The following IGF2BP3 variants were observed in gnomAD, a reference collection of about 807,000 sequenced individuals.
The protein encoded by IGF2BP3 is insulin like growth factor 2 mRNA binding protein 3.
In IGF2BP3, 9 loss-of-function variants were observed where a neutral mutation model predicts 73.8. The ratio of observed to expected loss-of-function variants is 0.12; its 90% CI spans 0.07 to 0.21. The LOEUF is 0.21. IGF2BP3 is among the 10% of genes least tolerant of loss of function. The pLI is 1.00. For synonymous variants in IGF2BP3, 258 were observed against 256.7 expected (o/e 1.01, Z -0.05); for missense variants, 542 against 714.0 (o/e 0.76, Z 2.75).
intron 2 of IGF2BP3, among the ~76,000 whole-genome samples, chr7:23,440,450 T>C (rs1260289548): frequency 6.6e-6 from 1 of 152,176 alleles, no homozygotes; most frequent in Non-Finnish European, 1.5e-5. Flanking sequence ...CAAAGCTTTA[T>C]AATTTGAAAA....
At chr7:23,408,114 A>G (rs1353098572) in intron 3 of IGF2BP3, among the ~76,000 whole-genome samples, 1 of 152,218 alleles carries the variant, frequency 6.6e-6, no homozygotes, top group Non-Finnish European at 1.5e-5. Context: ...TCAACCTGAT[A>G]AAGAGTATCT....
intron 2 of IGF2BP3, among the ~76,000 whole-genome samples, chr7:23,434,983 T>G (rs913162209): frequency 4.6e-5 from 7 of 152,086 alleles, no homozygotes; most frequent in African/African-American, 9.7e-5. Context: ...TATGACATAT[T>G]TGCCAATTAA....
At chr7:23,451,218 G>A (rs1401155790) in intron 2 of IGF2BP3, among the ~76,000 whole-genome samples, 1 of 152,200 alleles carries the variant, frequency 6.6e-6, no homozygotes, top group Non-Finnish European at 1.5e-5. Context: ...AGGGGTTTGA[G>A]AACAGCCTGG....
chr7:23,378,543 C>T (rs1280306677), intron 3 of IGF2BP3, among the ~76,000 whole-genome samples: 1 of 147,530 alleles, frequency 6.8e-6, no homozygotes, highest in Admixed American at 6.8e-5. Context: ...TGGGCGTGCA[C>T]CACCATGCCA....
chr7:23,367,719 G>A (rs1281763309), intron 3 of IGF2BP3, among the ~76,000 whole-genome samples: 1 of 152,064 alleles, frequency 6.6e-6, no homozygotes, highest in Non-Finnish European at 1.5e-5. Context: ...GTTCATCCAC[G>A]GCTGGGCGCG....
intron 3 of IGF2BP3, among the ~76,000 whole-genome samples, chr7:23,399,585 C>G (rs1413108475): frequency 1.3e-5 from 2 of 152,060 alleles, no homozygotes; most frequent in South Asian, 2.1e-4. Context: ...GCTTCTAGAA[C>G]AAAAATTAAT....
chr7:23,324,023 G>C (rs1418404932), intron 10 of IGF2BP3, among the ~76,000 whole-genome samples: 1 of 152,012 alleles, frequency 6.6e-6, no homozygotes, highest in East Asian at 1.9e-4. Context: ...AGAAAAGCAA[G>C]AGAAAACACA....
chr7:23,333,129 G>A (rs1187243668), intron 10 of IGF2BP3, among the ~76,000 whole-genome samples: 14 of 152,174 alleles, frequency 9.2e-5, no homozygotes, highest in Non-Finnish European at 1.5e-4. Context: ...AACAAAGGAG[G>A]TGAAGAAATA....
chr7:23,363,939 T>A (rs911130936), intron 3 of IGF2BP3, among the ~76,000 whole-genome samples: 1 of 152,224 alleles, frequency 6.6e-6, no homozygotes, highest in African/African-American at 2.4e-5. Context: ...CATAATTCCT[T>A]AAATTAAAAA....
intron 5 of IGF2BP3, among the ~76,000 whole-genome samples, chr7:23,356,480 C>T (rs1166464312): frequency 2.0e-5 from 3 of 152,090 alleles, no homozygotes; most frequent in African/African-American, 7.2e-5. Context: ...CTGGTTGAGC[C>T]CAGGAGGTTG....
chr7:23,327,440 C>T (rs901743930), intron 10 of IGF2BP3, among the ~76,000 whole-genome samples: 6 of 151,940 alleles, frequency 3.9e-5, no homozygotes, highest in Admixed American at 6.6e-5. Flanking sequence ...ACCATCACGC[C>T]CGGCTAATTT....
At chr7:23,326,143 G>A (rs1275280830) in intron 10 of IGF2BP3, among the ~76,000 whole-genome samples, 1 of 152,064 alleles carries the variant, frequency 6.6e-6, no homozygotes, top group Non-Finnish European at 1.5e-5. Context: ...TACAGAATGG[G>A]AGAAAATTTT....
At chr7:23,390,356 TTAAC>T (rs1237709875) in intron 3 of IGF2BP3, among the ~76,000 whole-genome samples, 1 of 152,148 alleles carries the variant, frequency 6.6e-6, no homozygotes, top group African/African-American at 2.4e-5. Context: ...AAGTCATTCT[TTAAC>T]TGAGGCTTCT....
intron 3 of IGF2BP3, among the ~76,000 whole-genome samples, chr7:23,396,083 G>GA (rs149230986): frequency 6.9e-6 from 1 of 144,298 alleles, no homozygotes; most frequent in Non-Finnish European, 1.5e-5. Context: ...TTACAGAGTT[G>GA]AAAAAATTCC....
intron 2 of IGF2BP3, among the ~76,000 whole-genome samples, chr7:23,461,891 T>C (rs1001514116): frequency 6.6e-6 from 1 of 152,226 alleles, no homozygotes; most frequent in African/African-American, 2.4e-5. Context: ...GCTAGCCTGA[T>C]GACTTGCCTT....
intron 2 of IGF2BP3, among the ~76,000 whole-genome samples, chr7:23,459,656 C>T (rs2128550919): frequency 6.6e-6 from 1 of 151,748 alleles, no homozygotes; most frequent in East Asian, 2.0e-4. Context: ...CATGGTGAAA[C>T]CCCATCTCTA....
At chr7:23,390,006 A>G (rs1786221739) in intron 3 of IGF2BP3, among the ~76,000 whole-genome samples, 1 of 152,012 alleles carries the variant, frequency 6.6e-6, no homozygotes, top group African/African-American at 2.4e-5. Context: ...CCCTTTGACT[A>G]TTGGTCAAAG....
intron 3 of IGF2BP3, among the ~76,000 whole-genome samples, chr7:23,368,322 GAAAGA>G (rs199957601): frequency 0.05 from 5,562 of 110,600 alleles, 187 homozygotes; most frequent in South Asian, 0.13. Context: ...AAGAGAGAGA[GAAAGA>G]AAAGAAAGAA....
At chr7:23,420,928 T>C (rs1000396880) in intron 2 of IGF2BP3, among the ~76,000 whole-genome samples, 1 of 152,260 alleles carries the variant, frequency 6.6e-6, no homozygotes, top group Non-Finnish European at 1.5e-5. Flanking sequence ...TTGGGATTTG[T>C]TTCAAAATAA....
Sources: allele counts gnomAD v4.1 joint callset (sites outside exome capture counted in the v4.1 genomes callset), GRCh38; gene constraint gnomAD v4.1.1; transcripts MANE v1.5; gene names NCBI Gene and HGNC (gene_info 2026-07-23, HGNC 2026-07-21).